EPRS1: variants seen among roughly 807,000 people sequenced by gnomAD.
EPRS1 encodes bifunctional glutamate/proline--tRNA ligase.
A neutral mutation model predicts 188.3 loss-of-function variants in EPRS1; 107 were observed. The observed-to-expected ratio is 0.57, with a 90% confidence interval of 0.49 to 0.67. The LOEUF (loss-of-function observed/expected upper bound fraction) is 0.67, where lower values mean the gene tolerates loss of function less well. Ranked by LOEUF, EPRS1 falls within the 30% of genes least tolerant of loss-of-function variation. The pLI is 0.00. For missense variants in EPRS1, 1,577 were observed against 1,802.2 expected (o/e 0.88, Z 2.26); for synonymous variants, 596 against 593.1 (o/e 1.00, Z -0.07).
intron 8 of EPRS1, 111 bp from the exon 9 acceptor site, chr1:220,022,629 T>C (rs1352592295): frequency 4.5e-6 from 4 of 883,622 alleles, no homozygotes; most frequent in Non-Finnish European, 6.9e-6. Flanking sequence ...AACCACCCTG[T>C]GTTAGTTTAA....
At chr1:220,021,085 G>C (rs1661870628) in intron 9 of EPRS1, among the ~76,000 whole-genome samples, 1 of 151,800 alleles carries the variant, frequency 6.6e-6, no homozygotes, top group Non-Finnish European at 1.5e-5. Flanking sequence ...GTTTCACTAT[G>C]TTGGCCAGGC....
At chr1:219,972,506 A>AAT (rs1018638621) in intron 29 of EPRS1, among the ~76,000 whole-genome samples, 25 of 152,084 alleles carry the variant, frequency 1.6e-4, no homozygotes, top group Admixed American at 1.1e-3. Flanking sequence ...GATTCAGAGG[A>AAT]ATATATATAT....
intron 16 of EPRS1, among the ~76,000 whole-genome samples, chr1:220,002,447 G>C (rs751400981): frequency 3.2e-4 from 48 of 152,272 alleles, no homozygotes; most frequent in Non-Finnish European, 6.3e-4. Context: ...TGCTATGCCT[G>C]CCACTAGAAA....
At chr1:220,004,596 T>C (rs986792460) in intron 16 of EPRS1, among the ~76,000 whole-genome samples, 3 of 151,972 alleles carry the variant, frequency 2.0e-5, no homozygotes, top group Non-Finnish European at 4.4e-5. Flanking sequence ...GAAGCATAAG[T>C]CAAAGATGAC....
At chr1:220,006,414 ATTGTT>A (rs1198179882) in intron 14 of EPRS1, 101 bp from the exon 15 acceptor site, 1 of 350,622 alleles carries the variant, frequency 2.9e-6, no homozygotes, top group Non-Finnish European at 4.7e-6. Context: ...AAAATAATTT[ATTGTT>A]TTATTTTGTA....
At chr1:219,990,174 A>C (rs2102569940) in intron 18 of EPRS1, among the ~76,000 whole-genome samples, 1 of 152,094 alleles carries the variant, frequency 6.6e-6, no homozygotes. Flanking sequence ...AAACGTTATA[A>C]AGGAGAAAAT....
chr1:220,030,529 C>T (rs1321135243), intron 5 of EPRS1, 49 bp from the exon 6 acceptor site: 1 of 1,349,840 alleles, frequency 7.4e-7, no homozygotes, highest in Non-Finnish European at 1.1e-6. Flanking sequence ...GGTTAAATGT[C>T]TAAGAACACA....
chr1:220,000,105 A>G (rs2102576122), intron 17 of EPRS1, among the ~76,000 whole-genome samples: 1 of 152,316 alleles, frequency 6.6e-6, no homozygotes, highest in East Asian at 1.9e-4. Flanking sequence ...GTTTTTCTTG[A>G]AAAATCGGCT....
At chr1:219,996,522 C>A (rs1156716561) in intron 18 of EPRS1, among the ~76,000 whole-genome samples, 1 of 152,238 alleles carries the variant, frequency 6.6e-6, no homozygotes, top group Non-Finnish European at 1.5e-5. Context: ...CAGGGCCTAG[C>A]AATCCATGTT....
rs1283230660 is a variant in EPRS1, at chr1:219,987,215, G to A, written c.2965C>T (p.Pro989Ser). 1.2e-6 allele frequency: 2 copies of A among 1,613,872 alleles called. No homozygotes were observed. Among genetic ancestry groups the A allele is most frequent in the African/African-American group, 1.3e-5 (1 of 74,870 alleles). Residue 989 changes from proline (P) to serine (S), a missense_variant, in exon 20 of 32, where the codon CCT becomes TCT. Pro to Ser is a moderately conservative substitution (Grantham distance 74). This residue lies in a region of EPRS1 where 1,278 missense variants were observed against 1,457.4 expected (regional missense o/e 0.88). Coordinates refer to ENST00000366923, the MANE Select transcript of EPRS1 (RefSeq NM_004446.3). ...QKQNDGQRKDPSKNQGGGLSS... is the reference protein window; with the variant it reads ...QKQNDGQRKDSSKNQGGGLSS... ...AGCCCACCTCCTTGGTTTTTAGAAGGGTCTTTCCTTTGGCCATCATTTTGT... is the reference window on the plus strand; with the variant it reads ...AGCCCACCTCCTTGGTTTTTAGAAGAGTCTTTCCTTTGGCCATCATTTTGT...
intron 12 of EPRS1, among the ~76,000 whole-genome samples, chr1:220,017,018 G>C (rs1661730658): frequency 2.6e-5 from 4 of 151,972 alleles, no homozygotes; most frequent in Non-Finnish European, 5.9e-5. Flanking sequence ...TTTGAGACCA[G>C]CCTGGCGAAC....
At chr1:220,041,162 C>T (rs1662286703) in intron 1 of EPRS1, among the ~76,000 whole-genome samples, 1 of 151,486 alleles carries the variant, frequency 6.6e-6, no homozygotes, top group Non-Finnish European at 1.5e-5. Flanking sequence ...GAGACCCCGT[C>T]TCTACAAAAA....
At position 219,972,066 on chromosome 1, in the gene EPRS1, G is replaced by A. The variant is rs1470841520; in HGVS notation, c.4323+3C>T. 1 of 1,572,868 alleles carries A rather than the reference G, an allele frequency of 6.4e-7. No homozygotes were observed. The highest frequency in any genetic ancestry group is 1.9e-5 in the Admixed American group (1 of 53,202). ...TACTGAAAAGTTTTCCAAACTCTCTGACCTTTCCAGAATCTAGTATCTTCT... is the reference window on the plus strand; with the variant it reads ...TACTGAAAAGTTTTCCAAACTCTCTAACCTTTCCAGAATCTAGTATCTTCT... On this transcript the variant is annotated splice_donor_region_variant and intron_variant, in intron 30 of 31. Transcript: ENST00000366923.
intron 9 of EPRS1, among the ~76,000 whole-genome samples, chr1:220,021,051 T>C (rs1668518143): frequency 1.3e-5 from 2 of 151,710 alleles, no homozygotes; most frequent in Non-Finnish European, 2.9e-5. Flanking sequence ...CTAATTTTTG[T>C]ATTTGTTTTA....
rs148299005 is a variant in EPRS1, at chr1:220,015,412, G to A, written c.1494+3037C>T. ...CAGGCAGCAGAGGTTGCAGTGAGCC[G>A]AGATCGTGCCACTGCATTCCAGCCT... On this transcript the variant is annotated intron_variant, in intron 12 of 31. Transcript: ENST00000366923. 5.1e-3 allele frequency among the ~76,000 whole-genome samples: 782 copies of A among 152,158 alleles called. 11 individuals are homozygous for A. Among genetic ancestry groups the A allele is most frequent in the African/African-American group, 0.017 (720 of 41,496 alleles).
At chr1:220,044,969 T>C (rs1021302799) in intron 1 of EPRS1, among the ~76,000 whole-genome samples, 5 of 152,212 alleles carry the variant, frequency 3.3e-5, no homozygotes, top group African/African-American at 1.2e-4. Context: ...TTAGAGTTCA[T>C]TGATTTGTTG....
At chr1:220,018,811 A>G (rs942444576) in intron 11 of EPRS1, among the ~76,000 whole-genome samples, 184 bp downstream of exon 11, 1 of 144,054 alleles carries the variant, frequency 6.9e-6, no homozygotes. Context: ...TTTCACTATT[A>G]TAAGCAGTGA....
chr1:219,996,862 T>G, intron 18 of EPRS1, 121 bp downstream of exon 18: 1 of 1,090,106 alleles, frequency 9.2e-7, no homozygotes, highest in Non-Finnish European at 1.3e-6. Context: ...CAGGTATCAA[T>G]CAATGTTGAT....
rs532572116 is a variant in EPRS1 at position 219,997,122 on chromosome 1, G to A, written c.2402C>T (p.Pro801Leu). The A allele has an allele frequency of 1.2e-5, 19 of 1,614,052 alleles. No homozygotes were observed. The South Asian group carries it at 1.9e-4, about 16-fold the overall frequency. Reference sequence around the variant, plus strand: ...TCCTATTTCAGCAGGAGGGTTTCCAGGTTTATATTCCTGGCCAGTTTTCTC... The same window carrying A: ...TCCTATTTCAGCAGGAGGGTTTCCAAGTTTATATTCCTGGCCAGTTTTCTC... ...YKEKTGQEYKPGNPPAEIGQN... is the reference protein window; with the variant it reads ...YKEKTGQEYKLGNPPAEIGQN... Residue 801 changes from proline (P) to leucine (L), a missense_variant, in exon 18 of 32, where the codon CCT (proline) becomes CTT (leucine). By Grantham distance (98) the Pro-to-Leu change is moderately conservative. Transcript: ENST00000366923.
Sources: allele counts gnomAD v4.1 joint callset (sites outside exome capture counted in the v4.1 genomes callset), GRCh38; gene constraint gnomAD v4.1.1; regional missense constraint gnomAD v4.1.1; transcripts MANE v1.5; gene names NCBI Gene and HGNC (gene_info 2026-07-23, HGNC 2026-07-21).